CMTR1: variants seen among roughly 807,000 people sequenced by gnomAD.
The protein encoded by CMTR1 is cap methyltransferase 1, also known as cap-specific mRNA (nucleoside-2'-O-)-methyltransferase 1.
Under a neutral mutation model 107.0 loss-of-function variants are expected in CMTR1, and 39 were observed. The observed-to-expected ratio is 0.36, with a 90% confidence interval of 0.28 to 0.48. The LOEUF (loss-of-function observed/expected upper bound fraction) is 0.48. Ranked by LOEUF, CMTR1 falls within the 20% of genes least tolerant of loss-of-function variation. The probability of loss-of-function intolerance (pLI) is 0.99; values close to 1 mark genes in which losing one functional copy is unlikely to be tolerated. For missense variants in CMTR1, 672 were observed against 1,064.9 expected, an observed-to-expected ratio of 0.63 and a Z score of 5.14; for synonymous variants, 366 against 379.5, an observed-to-expected ratio of 0.96 and a Z score of 0.41.
chr6:37,454,763 T>C (rs115336722), intron 8 of CMTR1, among the ~76,000 whole-genome samples: 3,986 of 152,314 alleles, frequency 0.026, 78 homozygotes, highest in Middle Eastern at 0.088. Flanking sequence ...CTTTCAGAGA[T>C]GTTTCTCTAT....
intron 8 of CMTR1, among the ~76,000 whole-genome samples, chr6:37,454,882 G>C (rs1052897950): frequency 6.6e-6 from 1 of 152,100 alleles, no homozygotes; most frequent in African/African-American, 2.4e-5. Flanking sequence ...CCACAGGCTT[G>C]GTGTGGTTTT....
chr6:37,475,981 T>C, intron 19 of CMTR1, 145 bp from the exon 20 acceptor site: 3 of 739,032 alleles, frequency 4.1e-6, no homozygotes, highest in South Asian at 1.6e-5. Flanking sequence ...GCGGGCTTCC[T>C]GGGGGACATG....
At position 37,435,013 on chromosome 6, in the gene CMTR1, C is replaced by A. The variant is rs143141424; in HGVS notation, c.-6-611C>A. On this transcript the variant is annotated intron_variant, in intron 1 of 23. Transcript: ENST00000373451. ...CTACCTCCAGTCCCAATAACTTTCCCGCTCTTGTGTTTCCTCGGTCTTAAG... is the reference window on the plus strand; with the variant it reads ...CTACCTCCAGTCCCAATAACTTTCCAGCTCTTGTGTTTCCTCGGTCTTAAG... Among the ~76,000 whole-genome samples, 301 of 152,258 alleles carry A rather than the reference C, an allele frequency of 2.0e-3. 2 individuals are homozygous for A. The highest frequency in any genetic ancestry group is 5.9e-3 in the African/African-American group (246 of 41,526).
rs181767581 is a variant in CMTR1, at chr6:37,479,912, A to G, written c.2376-101A>G. 653 of 1,179,880 alleles carry G rather than the reference A, an allele frequency of 5.5e-4. 1 individual carries two copies. The highest frequency in any genetic ancestry group is 7.1e-4 in the Non-Finnish European group (614 of 870,282). 73.1% of individuals were successfully genotyped at this position (1,179,880 alleles called of 1,614,324 possible). On this transcript the variant is annotated intron_variant, in intron 23 of 23. Transcript: ENST00000373451. Reference sequence around the variant, plus strand: ...GCCTGCCGGGGGAAGAACCTCAACTAAAGTCATTGACAGACCCCTCCGCCC... The same window carrying G: ...GCCTGCCGGGGGAAGAACCTCAACTGAAGTCATTGACAGACCCCTCCGCCC...
At position 37,481,261 on chromosome 6, in the gene CMTR1, C is replaced by T. The variant is rs1373060723; in HGVS notation, c.*1116C>T. On this transcript the variant is annotated 3_prime_UTR_variant, in exon 24 of 24. Transcript: ENST00000373451. Reference sequence around the variant, plus strand: ...TGTGGTTGTTTTTAATGGGAAATACCTCTCAGAGATGTTCATGCAGGCTCC... The same window carrying T: ...TGTGGTTGTTTTTAATGGGAAATACTTCTCAGAGATGTTCATGCAGGCTCC... The T allele has an allele frequency of 1.6e-6, 2 of 1,276,580 alleles. No homozygotes were observed. The highest frequency in any genetic ancestry group is 1.5e-5 in the African/African-American group (1 of 64,932). 79.1% of individuals were successfully genotyped at this position (1,276,580 alleles called of 1,614,324 possible).
chr6:37,466,153 A>G (rs548067880), intron 13 of CMTR1, among the ~76,000 whole-genome samples: 3 of 119,706 alleles, frequency 2.5e-5, no homozygotes, highest in Non-Finnish European at 4.9e-5. Context: ...TTGCTCTGTT[A>G]CCAGGCTGGA....
At chr6:37,453,010 C>A (rs932595223) in intron 6 of CMTR1, 37 bp from the exon 7 acceptor site, 15 of 1,594,022 alleles carry the variant, frequency 9.4e-6, no homozygotes, top group Non-Finnish European at 1.3e-5. Flanking sequence ...CCTTTCCTAT[C>A]CTGGAATTCA....
At chr6:37,457,075 T>C (rs1761309933) in intron 8 of CMTR1, among the ~76,000 whole-genome samples, 1 of 151,590 alleles carries the variant, frequency 6.6e-6, no homozygotes, top group Non-Finnish European at 1.5e-5. Context: ...AAAAAATTTG[T>C]TGAGCGTGGT....
rs1339709144 is a variant in CMTR1 at position 37,480,562 on chromosome 6, A to G, written c.*417A>G. 1.2e-5 allele frequency: 13 copies of G among 1,040,580 alleles called. No homozygotes were observed. In the East Asian group the frequency reaches 3.1e-4, roughly 25 times the overall value. 64.5% of individuals were successfully genotyped at this position (1,040,580 alleles called of 1,614,324 possible). A position where few individuals can be genotyped will look rare whatever the true frequency, so the allele number is the denominator to read the frequency against. On this transcript the variant is annotated 3_prime_UTR_variant, in exon 24 of 24. Coordinates refer to ENST00000373451, the MANE Select transcript of CMTR1 (RefSeq NM_015050.3). ...GGTAGCCATGCCCTTGCTTTGCCCA[A>G]CTTTTTATTGGGCCATCCCTGAGTG...
At position 37,480,274 on chromosome 6, in the gene CMTR1, G is replaced by A; in HGVS notation, c.*129G>A. The A allele has an allele frequency of 6.8e-7, 1 of 1,476,918 alleles. No individual in the cohort carries two copies. The highest frequency in any genetic ancestry group is 8.8e-7 in the Non-Finnish European group (1 of 1,130,762). The allele number at this position is 1,476,918 out of a possible 1,614,324, so 91.5% of individuals were successfully genotyped here. Reference sequence around the variant, plus strand: ...GGGAGCATTGCACCTGGCATGAGGAGTGGGTGGCCTCCTCTCCATCCCCTG... The same window carrying A: ...GGGAGCATTGCACCTGGCATGAGGAATGGGTGGCCTCCTCTCCATCCCCTG... On this transcript the variant is annotated 3_prime_UTR_variant, in exon 24 of 24. Coordinates refer to ENST00000373451, the MANE Select transcript of CMTR1 (RefSeq NM_015050.3).
Position 37,461,629 on chromosome 6 carries a change from G to T in CMTR1, c.1176G>T (p.Leu392=), listed in dbSNP as rs145586816. The T allele has an allele frequency of 6.2e-7, 1 of 1,608,314 alleles. No individual in the cohort carries two copies. The highest frequency in any genetic ancestry group is 1.3e-5 in the African/African-American group (1 of 74,694). Residue 392 remains leucine, a synonymous_variant, in exon 11 of 24, where the codon CTG becomes CTT. Transcript: ENST00000373451. ...QLLLCQFLMA[L]SIVRTGGHFI... The stretch of plus-strand genomic sequence containing the variant: ...TTCTGTGTCAGTTCCTCATGGCGCT[G>T]TCCATTGTCCGGACAGGTGACACTT...
At chr6:37,437,819 AAGAG>A (rs1210720149) in intron 2 of CMTR1, among the ~76,000 whole-genome samples, 1 of 152,158 alleles carries the variant, frequency 6.6e-6, no homozygotes, top group Non-Finnish European at 1.5e-5. Context: ...GTAAGGGAAA[AAGAG>A]AGAGTATGTC....
At chr6:37,463,648 G>A (rs1761445820) in intron 13 of CMTR1, among the ~76,000 whole-genome samples, 2 of 152,090 alleles carry the variant, frequency 1.3e-5, no homozygotes, top group Admixed American at 1.3e-4. Context: ...TCTCTTAGGG[G>A]GCTAAACAGG....
intron 2 of CMTR1, among the ~76,000 whole-genome samples, chr6:37,441,688 A>C (rs1482613236): frequency 6.6e-6 from 1 of 152,242 alleles, no homozygotes; most frequent in East Asian, 1.9e-4. Flanking sequence ...TTGGGATTAC[A>C]GGTGTGAGCT....
chr6:37,427,016 C>T, the CMTR1 span, among the ~76,000 whole-genome samples: 1 of 152,160 alleles, frequency 6.6e-6, no homozygotes, highest in Non-Finnish European at 1.5e-5. This position sits in a 1 kb window ranked among gnomAD's most constrained non-coding sequence, Gnocchi z 4.4. Context: ...AATCAGAGGA[C>T]AAAGTCCTCT....
At position 37,477,670 on chromosome 6, in the gene CMTR1, C is replaced by T. The variant is rs752414649; in HGVS notation, c.2153+31C>T. 59 of 1,575,106 alleles carry T rather than the reference C, an allele frequency of 3.7e-5. No individual in the cohort carries two copies. The South Asian group carries it at 5.9e-4, about 16-fold the overall frequency. On this transcript the variant is annotated intron_variant, in intron 21 of 23. Coordinates refer to ENST00000373451, the MANE Select transcript of CMTR1 (RefSeq NM_015050.3). Reference sequence around the variant, plus strand: ...TGACTTGACCGGTGAAGCTCAGATTCAAGAGGAGGTGGGGGTGCGGCCGTG... The same window carrying T: ...TGACTTGACCGGTGAAGCTCAGATTTAAGAGGAGGTGGGGGTGCGGCCGTG...
chr6:37,462,185 C>A, intron 12 of CMTR1, 83 bp downstream of exon 12: 1 of 1,493,268 alleles, frequency 6.7e-7, no homozygotes, highest in Non-Finnish European at 9.3e-7. Flanking sequence ...CTGGCATGAC[C>A]TCTTAAGCTA....
intron 13 of CMTR1, among the ~76,000 whole-genome samples, chr6:37,468,387 C>G (rs1397701208): frequency 2.6e-5 from 4 of 152,132 alleles, no homozygotes; most frequent in Non-Finnish European, 4.4e-5. Context: ...TTTAAAGATG[C>G]ACATGCATGC....
chr6:37,464,484 T>G (rs1219515812), intron 13 of CMTR1, among the ~76,000 whole-genome samples: 1 of 150,836 alleles, frequency 6.6e-6, no homozygotes, highest in East Asian at 1.9e-4. Flanking sequence ...AAAAAAAAGA[T>G]AAAAAACGTT....
Sources: allele counts gnomAD v4.1 joint callset (sites outside exome capture counted in the v4.1 genomes callset), GRCh38; gene constraint gnomAD v4.1.1; non-coding constraint Gnocchi (gnomAD v3.1); transcripts MANE v1.5; gene names NCBI Gene and HGNC (gene_info 2026-07-23, HGNC 2026-07-21).